The following SMOC1 variants were observed in gnomAD, a reference collection of about 807,000 sequenced individuals.
SMOC1 encodes SPARC-related modular calcium-binding protein 1.
A neutral mutation model predicts 56.3 loss-of-function variants in SMOC1; 22 were observed. That is an observed-to-expected ratio of 0.39 (90% CI 0.28 to 0.56). SMOC1 has a LOEUF of 0.56. Among genes scored for constraint, SMOC1 ranks in the 20% least tolerant of loss-of-function variants. The pLI is 0.61. For missense variants in SMOC1, 509 were observed against 565.4 expected (o/e 0.90, Z 1.01); for synonymous variants, 193 against 215.0 (o/e 0.90, Z 0.89).
chr14:69,906,601 A>C (rs1034128281), intron 1 of SMOC1, among the ~76,000 whole-genome samples: 4 of 152,320 alleles, frequency 2.6e-5, no homozygotes, highest in East Asian at 1.9e-4. Flanking sequence ...TAAAATTGTT[A>C]CTTTAAGTTG....
chr14:69,895,342 C>A (rs1884066693), intron 1 of SMOC1, among the ~76,000 whole-genome samples: 2 of 152,160 alleles, frequency 1.3e-5, no homozygotes, highest in Admixed American at 6.5e-5. Context: ...AAGTAGCCAG[C>A]GATTCTGTTT....
chr14:70,011,970 C>T (rs1885356973), intron 9 of SMOC1, among the ~76,000 whole-genome samples: 1 of 152,178 alleles, frequency 6.6e-6, no homozygotes, highest in Non-Finnish European at 1.5e-5. Flanking sequence ...GGCAGATGAC[C>T]CCTGGTGACA....
chr14:69,888,391 G>T (rs1883867981), intron 1 of SMOC1, among the ~76,000 whole-genome samples: 1 of 152,194 alleles, frequency 6.6e-6, no homozygotes, highest in Non-Finnish European at 1.5e-5. Context: ...TAGGTATGGA[G>T]CTCTGCATAC....
intron 1 of SMOC1, among the ~76,000 whole-genome samples, chr14:69,880,516 G>C (rs1407878208): frequency 6.6e-6 from 1 of 152,140 alleles, no homozygotes; most frequent in East Asian, 1.9e-4. Flanking sequence ...CCAGGGCATT[G>C]TAAAATCTCC....
At chr14:69,943,308 T>C (rs61980655) in intron 1 of SMOC1, among the ~76,000 whole-genome samples, 6,351 of 152,266 alleles carry the variant, frequency 0.042, 167 homozygotes, top group Non-Finnish European at 0.063. Flanking sequence ...TTATCTTCCC[T>C]CTTCCATCTT....
chr14:69,954,460 A>G (rs1026262512), intron 3 of SMOC1, among the ~76,000 whole-genome samples: 2 of 152,062 alleles, frequency 1.3e-5, no homozygotes, highest in African/African-American at 4.8e-5. Context: ...GAACCATCAC[A>G]CCTGGCCTTG....
At position 70,023,407 on chromosome 14, in the gene SMOC1, A is replaced by C. The variant is rs1885806713; in HGVS notation, c.1251A>C (p.Ser417=). ...YCDLNKDKVI[S]LPELKGCLGV... is the part of the protein sequence containing the mutation. ...ACCTGAACAAAGACAAGGTCATTTC[A>C]CTGCCTGAGCTGAAGGGCTGCCTGG... The change falls in exon 11 of 12, where the codon TCA becomes TCC. Residue 417 remains serine, a synonymous_variant. Transcript: ENST00000361956. 3 of 1,613,934 alleles carry C rather than the reference A, an allele frequency of 1.9e-6. No individual in the cohort carries two copies. Among genetic ancestry groups the C allele is most frequent in the Non-Finnish European group, 2.5e-6 (3 of 1,180,042 alleles).
intron 1 of SMOC1, among the ~76,000 whole-genome samples, chr14:69,918,083 A>T (rs918954551): frequency 6.6e-6 from 1 of 152,226 alleles, no homozygotes; most frequent in Non-Finnish European, 1.5e-5. Flanking sequence ...GCTAATTAAC[A>T]TATCTATCAT....
intron 11 of SMOC1, among the ~76,000 whole-genome samples, chr14:70,025,920 G>A (rs1281889887): frequency 6.6e-6 from 1 of 152,144 alleles, no homozygotes; most frequent in Non-Finnish European, 1.5e-5. Context: ...CAAAGTTCCT[G>A]AGAAATTGAA....
chr14:69,996,675 A>G (rs1884777278), intron 7 of SMOC1, among the ~76,000 whole-genome samples: 2 of 152,168 alleles, frequency 1.3e-5, no homozygotes, highest in African/African-American at 4.8e-5. Context: ...CCCCAGTTAT[A>G]TCTGTAAGGT....
intron 5 of SMOC1, among the ~76,000 whole-genome samples, chr14:69,987,058 T>C (rs996560249): frequency 1.3e-5 from 2 of 152,216 alleles, no homozygotes; most frequent in African/African-American, 2.4e-5. Flanking sequence ...AAACAGACAC[T>C]GTTGTCTCCT....
chr14:69,892,614 T>C (rs1020426469), intron 1 of SMOC1, among the ~76,000 whole-genome samples: 1 of 152,194 alleles, frequency 6.6e-6, no homozygotes, highest in Non-Finnish European at 1.5e-5. Flanking sequence ...CATTCGACCA[T>C]GAACCACTCA....
At chr14:70,001,877 T>A (rs1324082481) in intron 7 of SMOC1, among the ~76,000 whole-genome samples, 1 of 152,254 alleles carries the variant, frequency 6.6e-6, no homozygotes, top group African/African-American at 2.4e-5. Flanking sequence ...GCCTGAATCA[T>A]TGACCACAAA....
In SMOC1 at chr14:69,975,732, C is replaced by T. The variant is rs1358872307; in HGVS notation, c.396C>T (p.Tyr132=). 5.0e-6 allele frequency: 8 copies of T among 1,612,864 alleles called. No individual in the cohort carries two copies. The highest frequency in any genetic ancestry group is 3.3e-5 in the Admixed American group (2 of 60,030). Residue 132 remains tyrosine (Y), a synonymous_variant, in exon 4 of 12, where the codon TAC becomes TAT. Coordinates refer to ENST00000361956, the MANE Select transcript of SMOC1 (RefSeq NM_001034852.3). ...CTGAACAGGTGCAGTGCCATACTTA[C>T]ACTGGGTACTGCTGGTGTGTCACCC... ...GSFTQVQCHT[Y]TGYCWCVTPD...
intron 1 of SMOC1, among the ~76,000 whole-genome samples, chr14:69,927,002 A>G (rs544871592): frequency 1.3e-5 from 2 of 152,234 alleles, no homozygotes; most frequent in Non-Finnish European, 2.9e-5. Context: ...GCCAGGCCCA[A>G]TTCTAAATTC....
At chr14:70,010,654 A>G (rs1885301099) in intron 7 of SMOC1, 100 bp from the exon 8 acceptor site, 2 of 1,288,096 alleles carry the variant, frequency 1.6e-6, no homozygotes, top group South Asian at 2.4e-5. Flanking sequence ...TCCTGGGTCC[A>G]GGCCTGGTCC....
rs150885187 is a variant in SMOC1, at chr14:69,884,610, A to C, written c.99+4833A>C. ...TTAATTCATTTGAGTCAATTTTTGT[A>C]TATGGTGAGAGATGAGGGTCTAATT... is the stretch of plus-strand genomic sequence containing the variant. On this transcript the variant is annotated intron_variant, in intron 1 of 11. Transcript: ENST00000361956. Among the ~76,000 whole-genome samples, 167 of 152,284 alleles carry C rather than the reference A, an allele frequency of 1.1e-3. 1 individual carries two copies. Among genetic ancestry groups the C allele is most frequent in the Middle Eastern group, 6.8e-3 (2 of 294 alleles).
intron 7 of SMOC1, among the ~76,000 whole-genome samples, chr14:69,997,581 A>G (rs1884812987): frequency 6.6e-6 from 1 of 152,220 alleles, no homozygotes; most frequent in Non-Finnish European, 1.5e-5. Context: ...TGAGGACTCA[A>G]GAGCATCTGT....
At chr14:69,903,637 T>A (rs1206044997) in intron 1 of SMOC1, among the ~76,000 whole-genome samples, 1 of 152,184 alleles carries the variant, frequency 6.6e-6, no homozygotes, top group Non-Finnish European at 1.5e-5. Flanking sequence ...ATGTGCTGTG[T>A]CCAGTCAGGG....
Sources: allele counts gnomAD v4.1 joint callset (sites outside exome capture counted in the v4.1 genomes callset), GRCh38; gene constraint gnomAD v4.1.1; transcripts MANE v1.5; gene names NCBI Gene and HGNC (gene_info 2026-07-23, HGNC 2026-07-21).